ANAPC5: variants seen among roughly 807,000 people sequenced by gnomAD.
ANAPC5 encodes anaphase-promoting complex subunit 5.
Under a neutral mutation model 91.3 loss-of-function variants are expected in ANAPC5, and 60 were observed. The ratio of observed to expected loss-of-function variants is 0.66; its 90% CI spans 0.53 to 0.81. ANAPC5 has a LOEUF of 0.81. Among genes scored for constraint, ANAPC5 ranks in the 40% least tolerant of loss-of-function variants. The pLI, the probability that ANAPC5 is intolerant of heterozygous loss-of-function variation, is 0.00. For missense variants in ANAPC5, 690 were observed against 931.5 expected (o/e 0.74, Z 3.37); for synonymous variants, 340 against 364.1 (o/e 0.93, Z 0.75).
chr12:121,352,362 GGGCCCGCGGC>G lies in ANAPC5; in HGVS notation c.-32_-23del. The G allele has an allele frequency of 1.2e-5, 19 of 1,572,712 alleles. No homozygotes were observed. Among genetic ancestry groups the G allele is most frequent in the Non-Finnish European group, 1.5e-5 (17 of 1,155,868 alleles). ...CCATGGCGGCCCGAGACTAAGTCTCGGGCCCGCGGCGCGCTGCCGCCAGTTGTCACCACAA... is the reference window on the plus strand; with the variant it reads ...CCATGGCGGCCCGAGACTAAGTCTCGGCGCTGCCGCCAGTTGTCACCACAA... On this transcript the variant is annotated 5_prime_UTR_variant, in exon 1 of 17. Transcript: ENST00000261819.
At chr12:121,328,655 T>C (rs1902910900) in intron 9 of ANAPC5, 158 bp from the exon 10 acceptor site, 3 of 627,008 alleles carry the variant, frequency 4.8e-6, no homozygotes, top group Non-Finnish European at 8.0e-6. Context: ...CCCTGAGCCA[T>C]ACGAGATGTG....
intron 15 of ANAPC5, among the ~76,000 whole-genome samples, chr12:121,317,675 G>A (rs1197196843): frequency 2.6e-5 from 4 of 152,220 alleles, no homozygotes; most frequent in African/African-American, 7.2e-5. Flanking sequence ...CAGGTACGAA[G>A]ATATTTTTTA....
intron 15 of ANAPC5, among the ~76,000 whole-genome samples, chr12:121,314,501 C>T (rs1300599700): frequency 6.6e-6 from 1 of 151,668 alleles, no homozygotes; most frequent in Non-Finnish European, 1.5e-5. Context: ...ATGAAAAAAA[C>T]ACTAAATAAA....
chr12:121,323,410 T>C (rs1593583744), intron 11 of ANAPC5, among the ~76,000 whole-genome samples: 1 of 152,104 alleles, frequency 6.6e-6, no homozygotes, highest in East Asian at 1.9e-4. Context: ...TTGCAACCTC[T>C]ACCTCCTAGG....
chr12:121,345,476 T>G (rs782322052), intron 4 of ANAPC5, among the ~76,000 whole-genome samples: 1 of 152,150 alleles, frequency 6.6e-6, no homozygotes, highest in Non-Finnish European at 1.5e-5. Flanking sequence ...ACCTTTCACC[T>G]GGGGCCTGCA....
chr12:121,323,960 A>T (rs750493630), intron 11 of ANAPC5, among the ~76,000 whole-genome samples: 1 of 152,112 alleles, frequency 6.6e-6, no homozygotes, highest in Non-Finnish European at 1.5e-5. Flanking sequence ...AATTACATGG[A>T]AAGAGCAAAG....
chr12:121,316,072 A>G (rs1208888121), intron 15 of ANAPC5, among the ~76,000 whole-genome samples: 1 of 152,232 alleles, frequency 6.6e-6, no homozygotes, highest in Non-Finnish European at 1.5e-5. Context: ...CACAATATAT[A>G]AATAATTTTT....
At chr12:121,314,624 C>CTT (rs543772258) in intron 15 of ANAPC5, among the ~76,000 whole-genome samples, 7 of 145,636 alleles carry the variant, frequency 4.8e-5, no homozygotes, top group African/African-American at 1.5e-4. Flanking sequence ...AGGACATACA[C>CTT]TTTTTTTTTT....
chr12:121,326,123 G>A (rs1365514435), intron 11 of ANAPC5, among the ~76,000 whole-genome samples: 2 of 152,232 alleles, frequency 1.3e-5, no homozygotes, highest in African/African-American at 4.8e-5. Flanking sequence ...GAACCCATCA[G>A]TCAGGGCCCA....
In ANAPC5 at chr12:121,309,775, C is replaced by T; in HGVS notation, c.1982G>A (p.Gly661Asp). ...ILADGAILDK[G>D]RAMFLVAKCQ... ...CTTGGCCACTAAGAACATGGCACGA[C>T]CTTTGTCCAGGATAGCCCCGTCAGC... Residue 661 changes from glycine (G) to aspartate (D), a missense_variant, in exon 16 of 17, where the codon GGT (glycine) becomes GAT (aspartate). Gly to Asp is a moderately conservative substitution (Grantham distance 94, BLOSUM62 -1). Coordinates refer to ENST00000261819, the MANE Select transcript of ANAPC5 (RefSeq NM_016237.5). 6.2e-7 allele frequency: 1 copy of T among 1,614,218 alleles called. No individual in the cohort carries two copies. The highest frequency in any genetic ancestry group is 1.1e-5 in the South Asian group (1 of 91,090).
intron 9 of ANAPC5, among the ~76,000 whole-genome samples, chr12:121,329,788 T>C (rs1315497345): frequency 6.6e-6 from 1 of 152,082 alleles, no homozygotes; most frequent in African/African-American, 2.4e-5. Context: ...GCTAATTTTG[T>C]ATTTTTAGTA....
intron 9 of ANAPC5, 105 bp downstream of exon 9, chr12:121,330,478 G>C (rs985879899): frequency 1.2e-5 from 10 of 868,588 alleles, no homozygotes; most frequent in Non-Finnish European, 1.8e-5. Context: ...ACCACACTTT[G>C]AAACCCATTC....
rs1234407667 is a variant in ANAPC5 at position 121,342,306 on chromosome 12, G to A, written c.591-237C>T. ...CAACAGTGCCAAGACCATTTGATAGGGAAAGGACAGCCTTTCCAACCAATG... is the reference window on the plus strand; with the variant it reads ...CAACAGTGCCAAGACCATTTGATAGAGAAAGGACAGCCTTTCCAACCAATG... On this transcript the variant is annotated intron_variant, in intron 4 of 16. Coordinates refer to ENST00000261819, the MANE Select transcript of ANAPC5 (RefSeq NM_016237.5). This position sits in a 1 kb window ranked among gnomAD's most constrained non-coding sequence, Gnocchi z 4.1. Among the ~76,000 whole-genome samples the A allele has an allele frequency of 6.6e-6, 1 of 152,104 alleles. No homozygotes were observed. The highest frequency in any genetic ancestry group is 1.5e-5 in the Non-Finnish European group (1 of 68,040).
chr12:121,346,868 C>A, intron 3 of ANAPC5, 28 bp downstream of exon 3: 2 of 1,422,644 alleles, frequency 1.4e-6, no homozygotes, highest in South Asian at 2.5e-5. Flanking sequence ...TGAAAATACT[C>A]TCTGCTCTTC....
intron 9 of ANAPC5, chr12:121,328,865 G>A (rs782135648): frequency 5.8e-5 from 11 of 190,304 alleles, no homozygotes; most frequent in South Asian, 2.2e-4. Context: ...AAGAATTATC[G>A]TAAGGATTAC....
chr12:121,320,796 G>A (rs922094180), intron 11 of ANAPC5: 23 of 173,528 alleles, frequency 1.3e-4, no homozygotes, highest in African/African-American at 5.0e-4. Flanking sequence ...GTAGAGACGG[G>A]GTTTCACTGT....
At chr12:121,308,994 C>T (rs1161893209) in intron 16 of ANAPC5, among the ~76,000 whole-genome samples, 2 of 151,516 alleles carry the variant, frequency 1.3e-5, no homozygotes, top group African/African-American at 4.9e-5. Flanking sequence ...ACTAAAAATA[C>T]AAAAATTAGC....
At chr12:121,308,812 T>C in intron 16 of ANAPC5, 121 bp from the exon 17 acceptor site, 2 of 858,838 alleles carry the variant, frequency 2.3e-6, no homozygotes, top group Non-Finnish European at 1.9e-6. Context: ...TATTCTCCAT[T>C]CTTTGAGAGA....
chr12:121,346,973 T>A lies in ANAPC5; in HGVS notation c.320A>T (p.Asp107Val). ...IKLMAEGELKDMEQFFDDLSD... is the reference protein window; with the variant it reads ...IKLMAEGELKVMEQFFDDLSD... ...AAGGTCATCAAAAAACTGTTCCATATCCTTCAACTCGCCTTCAGCCATCAG... is the reference window on the plus strand; with the variant it reads ...AAGGTCATCAAAAAACTGTTCCATAACCTTCAACTCGCCTTCAGCCATCAG... Residue 107 changes from aspartate to valine, a missense_variant, in exon 3 of 17, where the codon GAT becomes GTT. Around this residue, in one of 5 missense-constraint regions of ANAPC5, gnomAD observed 238 missense variants for 264.9 expected, o/e 0.90. Transcript: ENST00000261819. The A allele has an allele frequency of 6.2e-7, 1 of 1,611,192 alleles. No individual in the cohort carries two copies. Among genetic ancestry groups the A allele is most frequent in the East Asian group, 2.2e-5 (1 of 44,626 alleles).
Sources: allele counts gnomAD v4.1 joint callset (sites outside exome capture counted in the v4.1 genomes callset), GRCh38; gene constraint gnomAD v4.1.1; regional missense constraint gnomAD v4.1.1; non-coding constraint Gnocchi (gnomAD v3.1); transcripts MANE v1.5; gene names NCBI Gene and HGNC (gene_info 2026-07-23, HGNC 2026-07-21).